Variants in POLE observed in about 807,000 individuals in gnomAD.
The protein encoded by POLE is DNA polymerase epsilon, catalytic subunit.
In POLE, 188 loss-of-function variants were observed where a neutral mutation model predicts 279.2. That is an observed-to-expected ratio of 0.67 (90% CI 0.60 to 0.76). The LOEUF (loss-of-function observed/expected upper bound fraction) is 0.76, where lower values mean the gene tolerates loss of function less well. POLE is among the 30% of genes least tolerant of loss of function. The pLI is 0.00. For synonymous variants in POLE, 1,214 were observed against 1,172.5 expected (o/e 1.04, Z -0.72); for missense variants, 2,703 against 3,016.7 (o/e 0.90, Z 2.44).
rs908089476 is a variant in POLE, at chr12:132,676,615, T to G, written c.840A>C (p.Lys280Asn). The G allele has an allele frequency of 6.8e-6, 11 of 1,613,908 alleles. No homozygotes were observed. Among genetic ancestry groups the G allele is most frequent in the Non-Finnish European group, 8.5e-6 (10 of 1,179,846 alleles). The change falls in exon 9 of 49, where the codon AAA (lysine) becomes AAC (asparagine). Residue 280 changes from lysine (K) to asparagine (N), a missense_variant. Lys to Asn is a moderately conservative substitution (Grantham distance 94). Transcript: ENST00000320574. ...CAGCATCAGGAAACTTGAGGGGCAG[T>G]TTGGTCGTCTCAATGTCAAATGCCA... ...VVLAFDIETTKLPLKFPDAET... is the reference protein window; with the variant it reads ...VVLAFDIETTNLPLKFPDAET...
intron 32 of POLE, among the ~76,000 whole-genome samples, chr12:132,647,861 C>A (rs12319591): frequency 0.013 from 1,948 of 152,260 alleles, 47 homozygotes; most frequent in African/African-American, 0.044. Flanking sequence ...ACCTCGGTCT[C>A]CCAAAGTGCG....
Position 132,624,568 on chromosome 12 carries a change from T to C in POLE, c.*129A>G. 1 of 722,758 alleles carries C rather than the reference T, an allele frequency of 1.4e-6. No homozygotes were observed. The highest frequency in any genetic ancestry group is 2.5e-6 in the Non-Finnish European group (1 of 393,900). The allele number at this position is 722,758 out of a possible 1,614,324, so 44.8% of individuals were successfully genotyped here. On this transcript the variant is annotated 3_prime_UTR_variant, in exon 49 of 49. Transcript: ENST00000320574. ...TGGTTTTCTTTGGTTTCCTCCCCGT[T>C]CCCTGGCCTGGGGTCACAGGTTTGG...
intron 29 of POLE, among the ~76,000 whole-genome samples, chr12:132,656,516 G>A (rs530960839): frequency 4.0e-4 from 61 of 151,998 alleles, no homozygotes; most frequent in South Asian, 6.3e-4. Context: ...CCACCACTAC[G>A]CCTGGCTAAT....
chr12:132,672,869 A>G (rs1022456503), intron 14 of POLE, 30 bp from the exon 15 acceptor site: 6 of 1,588,958 alleles, frequency 3.8e-6, no homozygotes, highest in Non-Finnish European at 5.2e-6. Context: ...TTCCAGCCAA[A>G]AGCAACACCA....
chr12:132,687,108 C>T, intron 1 of POLE, 146 bp downstream of exon 1: 1 of 414,314 alleles, frequency 2.4e-6, no homozygotes, highest in Non-Finnish European at 3.8e-6. Context: ...GCGGTCGGGG[C>T]GCGCCGCCCT....
intron 6 of POLE, 74 bp from the exon 7 acceptor site, chr12:132,677,793 T>C (rs2043090449): frequency 9.1e-6 from 13 of 1,425,136 alleles, no homozygotes; most frequent in Non-Finnish European, 2.0e-6. Context: ...TCCAACTCAG[T>C]AGGAAGAGGT....
Position 132,687,258 on chromosome 12 carries a change from TG to T in POLE, c.57del (p.Ser20AlafsTer34). ...RRADPGADGE[A>X]SRDDGATSSV... ...CCTCAGGAGGGCGCCCCTCACCTGC[TG>T]GCCTCGCCATCCGCGCCTGGGTCCG... On this transcript the variant is annotated frameshift_variant, in exon 1 of 49. Transcript: ENST00000320574. LOFTEE classifies it high-confidence loss of function. 1 of 1,495,698 alleles carries T rather than the reference TG, an allele frequency of 6.7e-7. No individual in the cohort carries two copies. The allele number at this position is 1,495,698 out of a possible 1,614,324, so 92.7% of individuals were successfully genotyped here.
rs1418072475 is a variant in POLE at position 132,642,531 on chromosome 12, G to A, written c.4927C>T (p.Leu1643=). Reference sequence around the variant, plus strand: ...CTGCTCATCTCGAAGGCCTGCGACAGGCAGGTGTCCAGGTTGAGGTAGTGA... The same window carrying A: ...CTGCTCATCTCGAAGGCCTGCGACAAGCAGGTGTCCAGGTTGAGGTAGTGA... ...IRHYLNLDTC[L]SQAFEMSRYF... is the part of the protein sequence containing the mutation. Residue 1643 remains leucine, a synonymous_variant, in exon 37 of 49, where the codon CTG becomes TTG. Coordinates refer to ENST00000320574, the MANE Select transcript of POLE (RefSeq NM_006231.4). 1.9e-6 allele frequency: 3 copies of A among 1,613,758 alleles called. No individual in the cohort carries two copies. Among genetic ancestry groups the A allele is most frequent in the Non-Finnish European group, 1.7e-6 (2 of 1,180,026 alleles).
At position 132,642,555 on chromosome 12, in the gene POLE, G is replaced by T; in HGVS notation, c.4903C>A (p.His1635Asn). 6.2e-7 allele frequency: 1 copy of T among 1,613,626 alleles called. No individual in the cohort carries two copies. Among genetic ancestry groups the T allele is most frequent in the South Asian group, 1.1e-5 (1 of 91,078 alleles). The change falls in exon 37 of 49, where the codon CAC (histidine) becomes AAC (asparagine). Residue 1635 changes from histidine to asparagine, a missense_variant. Around this residue, in one of 5 missense-constraint regions of POLE, gnomAD observed 1,551 missense variants for 1,686.1 expected, o/e 0.92. Coordinates refer to ENST00000320574, the MANE Select transcript of POLE (RefSeq NM_006231.4). ...AGGCAGGTGTCCAGGTTGAGGTAGTGACGGATCATGCGCCGGGCTCCATGG... is the reference window on the plus strand; with the variant it reads ...AGGCAGGTGTCCAGGTTGAGGTAGTTACGGATCATGCGCCGGGCTCCATGG... ...QRHGARRMIR[H>N]YLNLDTCLSQ... is the part of the protein sequence containing the mutation.
intron 45 of POLE, among the ~76,000 whole-genome samples, chr12:132,631,369 G>C (rs1301682617): frequency 1.3e-5 from 2 of 152,118 alleles, no homozygotes; most frequent in South Asian, 2.1e-4. Flanking sequence ...CATTCACCTA[G>C]GAAAAATCAC....
intron 12 of POLE, among the ~76,000 whole-genome samples, chr12:132,674,791 G>A (rs1014432037): frequency 2.4e-4 from 37 of 152,102 alleles, no homozygotes; most frequent in African/African-American, 8.9e-4. Flanking sequence ...GCAGAATACA[G>A]AGGCCGTGGA....
rs2138422669 is a variant in POLE at position 132,624,893 on chromosome 12, G to C, written c.6747+12C>G. On this transcript the variant is annotated intron_variant, in intron 48 of 48. Transcript: ENST00000320574. The stretch of plus-strand genomic sequence containing the variant: ...GGCCAGGCTGAGCCGAGGCAGATGA[G>C]GGAGAGCCCACCTGGGTGTGGATGG... 6.2e-7 allele frequency: 1 copy of C among 1,611,708 alleles called. No individual in the cohort carries two copies. Among genetic ancestry groups the C allele is most frequent in the Non-Finnish European group, 8.5e-7 (1 of 1,177,734 alleles).
At position 132,634,471 on chromosome 12, in the gene POLE, C is replaced by T. The variant is rs2138476523; in HGVS notation, c.5812-93G>A. 2 of 1,267,512 alleles carry T rather than the reference C, an allele frequency of 1.6e-6. No homozygotes were observed. Among genetic ancestry groups the T allele is most frequent in the East Asian group, 4.7e-5 (2 of 42,598 alleles). 78.5% of individuals were successfully genotyped at this position (1,267,512 alleles called of 1,614,324 possible). ...AGCGAAGGCTCCTCCAACCTGGGTC[C>T]ATCTGCCCCGTTTGACCAGAGGCCT... On this transcript the variant is annotated intron_variant, in intron 42 of 48. Transcript: ENST00000320574. The surrounding 1 kb of genome is among the most constrained non-coding windows in gnomAD (Gnocchi z 4.0).
intron 38 of POLE, 115 bp downstream of exon 38, chr12:132,642,062 T>C (rs1445619423): frequency 1.9e-6 from 2 of 1,056,708 alleles, no homozygotes; most frequent in Non-Finnish European, 2.8e-6. Context: ...GCCTCAGCTC[T>C]GACCTGCGCG....
intron 29 of POLE, among the ~76,000 whole-genome samples, chr12:132,652,699 T>G (rs1216027154): frequency 6.6e-6 from 1 of 152,158 alleles, no homozygotes; most frequent in Admixed American, 6.5e-5. Flanking sequence ...CATCACTCAC[T>G]GCAGTCCACT....
Position 132,679,671 on chromosome 12 carries a change from C to T in POLE, c.424-20G>A, listed in dbSNP as rs781020097. ...ATTTGGCTATAATGCGAAGAGATCA[C>T]GCTCATTGGTTCAAGAGAAATAGGA... is the stretch of plus-strand genomic sequence containing the variant. On this transcript the variant is annotated intron_variant, in intron 5 of 48. Coordinates refer to ENST00000320574, the MANE Select transcript of POLE (RefSeq NM_006231.4). 1.1e-5 allele frequency: 18 copies of T among 1,598,698 alleles called. No individual in the cohort carries two copies. The highest frequency in any genetic ancestry group is 5.4e-5 in the African/African-American group (4 of 74,618).
At chr12:132,652,712 C>T (rs763105881) in intron 29 of POLE, among the ~76,000 whole-genome samples, 3 of 152,174 alleles carry the variant, frequency 2.0e-5, no homozygotes, top group Non-Finnish European at 2.9e-5. Context: ...AGTCCACTCT[C>T]TCCTTAACGA....
chr12:132,645,268 T>G (rs1267138103), intron 32 of POLE, among the ~76,000 whole-genome samples: 1 of 128,066 alleles, frequency 7.8e-6, no homozygotes, highest in Non-Finnish European at 1.6e-5. Flanking sequence ...TAGCTCCCTG[T>G]GTGGAGGGCT....
chr12:132,641,379 T>C (rs2042137276), intron 39 of POLE: 1 of 526,940 alleles, frequency 1.9e-6, no homozygotes, highest in African/African-American at 1.9e-5. Flanking sequence ...CATCGAAAAG[T>C]GGCCCTGGTT....
Sources: allele counts gnomAD v4.1 joint callset (sites outside exome capture counted in the v4.1 genomes callset), GRCh38; gene constraint gnomAD v4.1.1; regional missense constraint gnomAD v4.1.1; non-coding constraint Gnocchi (gnomAD v3.1); transcripts MANE v1.5; gene names NCBI Gene and HGNC (gene_info 2026-07-23, HGNC 2026-07-21).